Variants in RALYL observed in about 807,000 individuals in gnomAD.
RALYL encodes RNA-binding Raly-like protein.
In RALYL, 29 loss-of-function variants were observed where a neutral mutation model predicts 35.1. That is an observed-to-expected ratio of 0.83 (90% CI 0.61 to 1.13). The LOEUF (loss-of-function observed/expected upper bound fraction) is 1.13, where lower values mean the gene tolerates loss of function less well. Among genes scored for constraint, RALYL ranks in the 50% most tolerant of loss-of-function variants. The pLI, the probability that RALYL is intolerant of heterozygous loss-of-function variation, is 0.00. For synonymous variants in RALYL, 120 were observed against 127.6 expected (o/e 0.94, Z 0.40); for missense variants, 359 against 360.4 (o/e 1.00, Z 0.03).
At chr8:84,686,811 C>T (rs548848239) in intron 2 of RALYL, among the ~76,000 whole-genome samples, 23 of 152,258 alleles carry the variant, frequency 1.5e-4, no homozygotes, top group African/African-American at 5.3e-4. Flanking sequence ...CTTATTCCCC[C>T]CAATGACGGG....
intron 1 of RALYL, among the ~76,000 whole-genome samples, chr8:84,480,614 G>A (rs1231681960): frequency 6.6e-6 from 1 of 152,144 alleles, no homozygotes; most frequent in East Asian, 1.9e-4. Context: ...ATCAAGAGGA[G>A]ATGGGAAGAA....
chr8:84,398,918 G>A (rs1201129268), intron 1 of RALYL, among the ~76,000 whole-genome samples: 1 of 150,354 alleles, frequency 6.7e-6, no homozygotes, highest in African/African-American at 2.4e-5. Flanking sequence ...AGGTGGCAGT[G>A]AGCCAAGATC....
chr8:84,809,761 A>G (rs1256938582), intron 4 of RALYL, among the ~76,000 whole-genome samples: 1 of 152,028 alleles, frequency 6.6e-6, no homozygotes, highest in Admixed American at 6.5e-5. Context: ...TTTCTAGTTT[A>G]TGTGCATAAA....
At chr8:84,860,232 A>C (rs1837846231) in intron 5 of RALYL, among the ~76,000 whole-genome samples, 1 of 152,220 alleles carries the variant, frequency 6.6e-6, no homozygotes, top group Non-Finnish European at 1.5e-5. Flanking sequence ...ACATCATTGT[A>C]TATTTTGATT....
intron 1 of RALYL, among the ~76,000 whole-genome samples, chr8:84,518,881 T>G (rs2134610484): frequency 6.6e-6 from 1 of 152,288 alleles, no homozygotes; most frequent in South Asian, 2.1e-4. Flanking sequence ...AATGGACCTA[T>G]TAACTAGGAC....
chr8:84,308,646 T>C (rs368094952), intron 1 of RALYL, among the ~76,000 whole-genome samples: 1 of 152,212 alleles, frequency 6.6e-6, no homozygotes, highest in East Asian at 1.9e-4. Flanking sequence ...ACCCCATGGA[T>C]TTTAATAGTA....
chr8:84,598,991 T>C (rs557387207), intron 2 of RALYL, among the ~76,000 whole-genome samples: 3 of 152,260 alleles, frequency 2.0e-5, no homozygotes, highest in African/African-American at 7.2e-5. Flanking sequence ...TGACATTTCA[T>C]TGTGGTTTTG....
chr8:84,913,026 G>GGGTAGGTAGATA (rs777817157), intron 8 of RALYL, among the ~76,000 whole-genome samples: 31 of 99,038 alleles, frequency 3.1e-4, no homozygotes, highest in East Asian at 1.4e-3. Context: ...ATGGATGGAT[G>GGGTAGGTAGATA]GATGGATAGG....
chr8:84,385,785 G>A (rs1390827792), intron 1 of RALYL, among the ~76,000 whole-genome samples: 4 of 151,804 alleles, frequency 2.6e-5, no homozygotes, highest in Non-Finnish European at 5.9e-5. Flanking sequence ...GCATCTCACA[G>A]ACCACACTTA....
At chr8:84,878,457 A>C (rs1240290585) in intron 7 of RALYL, among the ~76,000 whole-genome samples, 1 of 152,144 alleles carries the variant, frequency 6.6e-6, no homozygotes, top group Non-Finnish European at 1.5e-5. Flanking sequence ...CTCTATACTT[A>C]CAAAGTTGCC....
chr8:84,186,138 A>G (rs973921529), intron 1 of RALYL, among the ~76,000 whole-genome samples: 2 of 152,170 alleles, frequency 1.3e-5, no homozygotes, highest in African/African-American at 4.8e-5. Context: ...ATCCTGTTGC[A>G]TTTATATAAA....
intron 1 of RALYL, among the ~76,000 whole-genome samples, chr8:84,441,760 A>G (rs1380447402): frequency 6.6e-6 from 1 of 152,064 alleles, no homozygotes; most frequent in Non-Finnish European, 1.5e-5. Flanking sequence ...ATGTTTATAA[A>G]AGTTTAGTAG....
chr8:84,528,491 A>T (rs935457404), intron 1 of RALYL, among the ~76,000 whole-genome samples: 8 of 152,278 alleles, frequency 5.3e-5, no homozygotes, highest in African/African-American at 1.9e-4. Context: ...AATGATTTTT[A>T]AAAATACTAG....
chr8:84,687,265 T>G (rs535946981), intron 2 of RALYL, among the ~76,000 whole-genome samples: 1 of 152,168 alleles, frequency 6.6e-6, no homozygotes, highest in Non-Finnish European at 1.5e-5. Flanking sequence ...GCCTACCATA[T>G]GCATAAAATG....
chr8:84,468,227 T>A (rs567601450), intron 1 of RALYL, among the ~76,000 whole-genome samples: 5 of 152,196 alleles, frequency 3.3e-5, no homozygotes, highest in East Asian at 3.9e-4. Flanking sequence ...TGATGCAGTT[T>A]CTTCCTAGTC....
intron 1 of RALYL, among the ~76,000 whole-genome samples, chr8:84,226,484 G>A (rs1823903013): frequency 2.0e-5 from 3 of 152,078 alleles, no homozygotes; most frequent in Admixed American, 1.3e-4. Context: ...TCAGCTCATC[G>A]CAACTTCCGC....
chr8:84,787,881 T>G (rs1369586028), intron 3 of RALYL, among the ~76,000 whole-genome samples: 1 of 152,182 alleles, frequency 6.6e-6, no homozygotes, highest in African/African-American at 2.4e-5. Context: ...TTTTTTCTTG[T>G]AAATTTGTTT....
At chr8:84,731,679 T>C (rs1372354117) in intron 2 of RALYL, among the ~76,000 whole-genome samples, 1 of 152,146 alleles carries the variant, frequency 6.6e-6, no homozygotes, top group Non-Finnish European at 1.5e-5. Context: ...ACAGTTTGTT[T>C]TGTATACTAT....
chr8:84,730,690 G>A (rs1014719402), intron 2 of RALYL, among the ~76,000 whole-genome samples: 5 of 152,040 alleles, frequency 3.3e-5, no homozygotes, highest in Non-Finnish European at 7.4e-5. Context: ...TACCATGAAT[G>A]AGGATCTGTA....
Sources: gnomAD v4.1 joint callset for allele counts (sites outside exome capture counted in the v4.1 genomes callset) on GRCh38, gnomAD v4.1.1 for gene constraint, MANE v1.5 for transcripts, NCBI Gene and HGNC (gene_info 2026-07-23, HGNC 2026-07-21) for gene names.